Variants in CDKL4 observed in about 807,000 individuals in gnomAD.
CDKL4 encodes the protein cyclin-dependent kinase-like 4.
A neutral mutation model predicts 42.0 loss-of-function variants in CDKL4; 44 were observed. The ratio of observed to expected loss-of-function variants is 1.05; its 90% confidence interval spans 0.82 to 1.35. The LOEUF (loss-of-function observed/expected upper bound fraction) is 1.35, where lower values mean the gene tolerates loss of function less well. Ranked by LOEUF, CDKL4 falls within the 40% of genes most tolerant of loss-of-function variation. The probability of loss-of-function intolerance (pLI) is 0.00; values close to 1 mark genes in which losing one functional copy is unlikely to be tolerated. For synonymous variants in CDKL4, 120 were observed against 121.6 expected, an observed-to-expected ratio of 0.99 and a Z score of 0.09; for missense variants, 393 against 369.9, an observed-to-expected ratio of 1.06 and a Z score of -0.51.
chr2:39,228,881 T>G (rs963464931), intron 2 of CDKL4, among the ~76,000 whole-genome samples: 1 of 152,058 alleles, frequency 6.6e-6, no homozygotes, highest in African/African-American at 2.4e-5. Flanking sequence ...AACAAAAACC[T>G]TTATGTAAAA....
At chr2:39,173,540 T>C (rs1382042605), downstream of CDKL4, among the ~76,000 whole-genome samples, 1 of 151,940 alleles carries the variant, frequency 6.6e-6, no homozygotes, top group Non-Finnish European at 1.5e-5. Context: ...CCGGGCGCGG[T>C]GGCTCACGCC....
At chr2:39,195,046 T>C (rs997924405) in intron 5 of CDKL4, among the ~76,000 whole-genome samples, 12 of 152,216 alleles carry the variant, frequency 7.9e-5, no homozygotes, top group Admixed American at 5.2e-4. Context: ...GTAGAGCACG[T>C]AAATAGAATC....
Position 39,206,044 on chromosome 2 carries a change from G to GT in CDKL4, c.364-1428dup, listed in dbSNP as rs1196589433. ...GAGGCACGCTGACCTCAAAGCAGCT[G>GT]TTTTTTTTTGTTTTTTGTTTTTTTT... On this transcript the variant is annotated intron_variant, in intron 4 of 9. Coordinates refer to ENST00000451199, the Ensembl canonical transcript of CDKL4. Among the ~76,000 whole-genome samples the GT allele has an allele frequency of 1.7e-3, 131 of 76,200 alleles. 1 individual carries two copies. Among genetic ancestry groups the GT allele is most frequent in the African/African-American group, 2.2e-3 (50 of 22,936 alleles). The allele number at this position is 76,200 out of a possible 152,430, so 50.0% of individuals were successfully genotyped here.
At chr2:39,189,861 G>A (rs1477756526) in intron 6 of CDKL4, among the ~76,000 whole-genome samples, 1 of 152,204 alleles carries the variant, frequency 6.6e-6, no homozygotes, top group African/African-American at 2.4e-5. Context: ...TGTACAGCCT[G>A]CATAACCTAA....
chr2:39,220,990 T>G (rs1464936693), intron 3 of CDKL4, among the ~76,000 whole-genome samples: 42 of 45,260 alleles, frequency 9.3e-4, no homozygotes, highest in East Asian at 2.6e-3. Flanking sequence ...TTTTTTTTTT[T>G]TTTTTTTTTT....
intron 7 of CDKL4, among the ~76,000 whole-genome samples, chr2:39,186,979 A>G (rs757392156): frequency 7.2e-5 from 11 of 152,266 alleles, no homozygotes; most frequent in East Asian, 1.9e-4. Context: ...AGTTTCTTCA[A>G]TATGTGTGAT....
chr2:39,235,763 CA>C (rs1023143938), intron 1 of CDKL4, among the ~76,000 whole-genome samples: 4 of 151,840 alleles, frequency 2.6e-5, no homozygotes, highest in Non-Finnish European at 4.4e-5. Flanking sequence ...AAACAACAAC[CA>C]CAACAACAAC....
At chr2:39,221,524 CATT>C (rs1334702301) in intron 3 of CDKL4, among the ~76,000 whole-genome samples, 1 of 152,136 alleles carries the variant, frequency 6.6e-6, no homozygotes, top group Non-Finnish European at 1.5e-5. Context: ...TTAAATTAAT[CATT>C]GTTATCTAGA....
intron 3 of CDKL4, among the ~76,000 whole-genome samples, chr2:39,224,386 T>C (rs545183391): frequency 4.4e-4 from 67 of 152,210 alleles, no homozygotes; most frequent in African/African-American, 1.6e-3. Context: ...TTAAATAAAA[T>C]CCTTACATAT....
At chr2:39,184,608 C>A (rs1377179165) in exon 8 of CDKL4, 2 of 1,611,320 alleles carry the variant, frequency 1.2e-6, no homozygotes, top group Admixed American at 3.3e-5. Flanking sequence ...AAGTTCAGAG[C>A]CACAGGATGA....
chr2:39,177,826 T>A (rs1339295532), intron 9 of CDKL4, among the ~76,000 whole-genome samples: 4 of 151,718 alleles, frequency 2.6e-5, no homozygotes, highest in Non-Finnish European at 4.4e-5. Context: ...GGAGCTGGGA[T>A]TACAGGCGCC....
chr2:39,186,159 C>T (rs926708763), intron 7 of CDKL4, among the ~76,000 whole-genome samples: 1 of 152,138 alleles, frequency 6.6e-6, no homozygotes, highest in African/African-American at 2.4e-5. Context: ...TCCTTTGTAA[C>T]CTTTAACCTT....
intron 5 of CDKL4, among the ~76,000 whole-genome samples, chr2:39,196,837 A>C (rs556121880): frequency 6.6e-6 from 1 of 152,224 alleles, no homozygotes; most frequent in South Asian, 2.1e-4. Context: ...CGAACTCCTG[A>C]CCTCAGGTAT....
chr2:39,200,965 T>C (rs981617655), intron 5 of CDKL4, among the ~76,000 whole-genome samples: 1 of 151,940 alleles, frequency 6.6e-6, no homozygotes, highest in Admixed American at 6.6e-5. Flanking sequence ...CAAAGATAAA[T>C]AGATGGAACT....
At chr2:39,217,701 ATTATTTATTTATTTATTTATTTAT>A (rs145033516) in intron 3 of CDKL4, among the ~76,000 whole-genome samples, 3,995 of 147,808 alleles carry the variant, frequency 0.027, 69 homozygotes, top group African/African-American at 0.035. Context: ...GGCTTATTTT[ATTATTTATTTATTTATTTATTTAT>A]TTATTTATTT....
intron 1 of CDKL4, among the ~76,000 whole-genome samples, chr2:39,236,573 G>C (rs1330757773): frequency 6.6e-6 from 1 of 151,896 alleles, no homozygotes; most frequent in African/African-American, 2.4e-5. Flanking sequence ...GTATACAAGG[G>C]AACAACAATA....
At chr2:39,243,800 C>A (rs954631264) in intron 1 of CDKL4, among the ~76,000 whole-genome samples, 71 bp downstream of exon 1, 1 of 152,184 alleles carries the variant, frequency 6.6e-6, no homozygotes. Context: ...GCAGTCTAGA[C>A]CTCGCGGCTC....
chr2:39,220,837 T>C (rs912325018), intron 3 of CDKL4, among the ~76,000 whole-genome samples: 1 of 151,900 alleles, frequency 6.6e-6, no homozygotes, highest in African/African-American at 2.4e-5. Context: ...TCTGCCCTCC[T>C]CGGCCTCCCA....
chr2:39,191,273 C>T (rs2148304723), intron 5 of CDKL4, among the ~76,000 whole-genome samples: 1 of 152,174 alleles, frequency 6.6e-6, no homozygotes, highest in East Asian at 1.9e-4. Flanking sequence ...GTGGCACATG[C>T]TTGTCGTCCT....
Sources: gnomAD v4.1 joint callset for allele counts (sites outside exome capture counted in the v4.1 genomes callset) on GRCh38, gnomAD v4.1.1 for gene constraint, MANE v1.5 for transcripts, NCBI Gene and HGNC (gene_info 2026-07-23, HGNC 2026-07-21) for gene names.